The following RSPRY1 variants were observed in gnomAD, a reference collection of about 807,000 sequenced individuals.
The protein encoded by RSPRY1 is ring finger and SPRY domain containing 1, also known as RING finger and SPRY domain-containing protein 1.
Under a neutral mutation model 73.1 loss-of-function variants are expected in RSPRY1, and 23 were observed. The observed-to-expected ratio is 0.31, with a 90% CI of 0.23 to 0.45. The LOEUF is 0.45. RSPRY1 is among the 20% of genes least tolerant of loss of function. RSPRY1 has a pLI of 1.00. For missense variants in RSPRY1, 448 were observed against 698.7 expected, an observed-to-expected ratio of 0.64 and a Z score of 4.05; for synonymous variants, 226 against 251.4, an observed-to-expected ratio of 0.90 and a Z score of 0.95.
chr16:57,212,700 T>C (rs1179027829), intron 4 of RSPRY1, among the ~76,000 whole-genome samples: 1 of 152,048 alleles, frequency 6.6e-6, no homozygotes, highest in African/African-American at 2.4e-5. Context: ...CTGCAACCTC[T>C]ACCTCCCAGG....
At chr16:57,217,077 T>C (rs1318341091) in intron 8 of RSPRY1, 42 bp downstream of exon 8, 2 of 1,610,866 alleles carry the variant, frequency 1.2e-6, no homozygotes, top group Admixed American at 3.3e-5. Context: ...CGTTTCCATT[T>C]CCAGACTCAT....
chr16:57,226,350 G>A (rs1462242216), intron 10 of RSPRY1, among the ~76,000 whole-genome samples: 1 of 152,198 alleles, frequency 6.6e-6, no homozygotes, highest in African/African-American at 2.4e-5. Flanking sequence ...ATAGAATAAA[G>A]TGTTTTCACA....
At chr16:57,225,395 T>G (rs2075105282) in intron 10 of RSPRY1, among the ~76,000 whole-genome samples, 1 of 152,260 alleles carries the variant, frequency 6.6e-6, no homozygotes, top group African/African-American at 2.4e-5. Context: ...CAAGCTCATT[T>G]AACTCTTGAG....
chr16:57,212,531 C>A (rs2074862613), intron 4 of RSPRY1, among the ~76,000 whole-genome samples: 1 of 152,098 alleles, frequency 6.6e-6, no homozygotes, highest in South Asian at 2.1e-4. Flanking sequence ...TCAGGTTGAT[C>A]AGATATTTCC....
At position 57,191,994 on chromosome 16, in the gene RSPRY1, A is replaced by G. The variant is rs545366606; in HGVS notation, c.-156+5543A>G. On this transcript the variant is annotated intron_variant, in intron 1 of 14. Coordinates refer to ENST00000394420, the MANE Select transcript of RSPRY1 (RefSeq NM_133368.3). ...TCCGTCTTTCCTCACTGCCTGCCAT[A>G]TAAGCATTGGATATATAGTTATTGA... 2.0e-5 allele frequency among the ~76,000 whole-genome samples: 3 copies of G among 152,308 alleles called. No homozygotes were observed. In the South Asian group the frequency reaches 6.2e-4, roughly 32 times the overall value.
rs2075020900 is a variant in RSPRY1, at chr16:57,220,716, A to C, written c.902-16A>C. The C allele has an allele frequency of 6.5e-7, 1 of 1,536,478 alleles. No individual in the cohort carries two copies. The highest frequency in any genetic ancestry group is 1.4e-5 in the African/African-American group (1 of 73,424). The stretch of plus-strand genomic sequence containing the variant: ...AGCAGCCTGCCTTAGAAACATGAAC[A>C]CTCTTTCTTTTGCAGTTTTAAAAGA... On this transcript the variant is annotated splice_polypyrimidine_tract_variant and intron_variant, in intron 8 of 14. Transcript: ENST00000394420.
chr16:57,228,152 G>C (rs1433251020), intron 11 of RSPRY1, among the ~76,000 whole-genome samples: 1 of 151,664 alleles, frequency 6.6e-6, no homozygotes. Context: ...ACCCACCTGC[G>C]GTCCCGGCTA....
At position 57,204,895 on chromosome 16, in the gene RSPRY1, C is replaced by A. The variant is rs2074695709; in HGVS notation, c.237C>A (p.Asp79Glu). 1 of 1,614,056 alleles carries A rather than the reference C, an allele frequency of 6.2e-7. No homozygotes were observed. The highest frequency in any genetic ancestry group is 1.1e-5 in the South Asian group (1 of 91,084). Residue 79 changes from aspartate to glutamate, a missense_variant, in exon 2 of 15, where the codon GAC becomes GAA. Asp to Glu is a conservative substitution (Grantham distance 45, BLOSUM62 2). Coordinates refer to ENST00000394420, the MANE Select transcript of RSPRY1 (RefSeq NM_133368.3). The part of the protein sequence containing the change: ...PTADTRSQPR[D>E]PVRPPRRGRG... ...CTGACACAAGGAGCCAACCACGGGA[C>A]CCTGTTCGGCCACCAAGGAGGGGCC...
intron 14 of RSPRY1, among the ~76,000 whole-genome samples, chr16:57,237,798 G>T (rs995370153): frequency 6.6e-6 from 1 of 151,760 alleles, no homozygotes; most frequent in Non-Finnish European, 1.5e-5. Context: ...TGCAACCTCC[G>T]CCTCCCGAGC....
chr16:57,216,290 G>A lies in RSPRY1; in HGVS notation c.769+117G>A, dbSNP rs1314809087. The A allele has an allele frequency of 1.3e-5, 10 of 744,896 alleles. No homozygotes were observed. In the East Asian group the frequency reaches 2.5e-4, roughly 19 times the overall value. The allele number at this position is 744,896 out of a possible 1,614,324, so 46.1% of individuals were successfully genotyped here. On this transcript the variant is annotated intron_variant, in intron 7 of 14. Transcript: ENST00000394420. ...ACCCCATCAGATGGGCATACATTCT[G>A]TTTTCATCTGGATAGACACGTTAAA...
In RSPRY1 at chr16:57,238,893, A is replaced by AT. The variant is rs2075340255; in HGVS notation, c.1651dup (p.Cys551LeufsTer13). The AT allele has an allele frequency of 6.2e-7, 1 of 1,606,006 alleles. No individual in the cohort carries two copies. The highest frequency in any genetic ancestry group is 1.3e-5 in the African/African-American group (1 of 74,532). ...TTTCTCCCCAGTGACCTGTGCATGG[A>AT]TTGTGCCTTGCAGCTGGAGACCTGC... is the stretch of plus-strand genomic sequence containing the variant. On this transcript the variant is annotated frameshift_variant, in exon 15 of 15. Transcript: ENST00000394420. LOFTEE classifies it high-confidence loss of function.
intron 13 of RSPRY1, among the ~76,000 whole-genome samples, chr16:57,233,649 C>T (rs552902178): frequency 1.3e-5 from 2 of 152,302 alleles, no homozygotes; most frequent in South Asian, 2.1e-4. Flanking sequence ...GGATTACAGG[C>T]GTGAGCCACT....
chr16:57,188,990 CTTTTTTT>C (rs111782511), intron 1 of RSPRY1, among the ~76,000 whole-genome samples: 1 of 121,478 alleles, frequency 8.2e-6, no homozygotes, highest in Non-Finnish European at 1.7e-5. Flanking sequence ...TACTCAGTGA[CTTTTTTT>C]TTTTTTTTTT....
At chr16:57,229,448 C>T (rs1266484927) in intron 11 of RSPRY1, among the ~76,000 whole-genome samples, 2 of 151,916 alleles carry the variant, frequency 1.3e-5, no homozygotes, top group East Asian at 3.9e-4. Flanking sequence ...GACCCCCCAT[C>T]TCTATAAAAA....
intron 5 of RSPRY1, among the ~76,000 whole-genome samples, chr16:57,213,345 AAGG>A (rs1206258065): frequency 6.6e-6 from 1 of 152,266 alleles, no homozygotes; most frequent in Non-Finnish European, 1.5e-5. Flanking sequence ...CTTTAAGAAT[AAGG>A]AGCGAGGAAA....
intron 11 of RSPRY1, among the ~76,000 whole-genome samples, chr16:57,228,449 T>C (rs1378620922): frequency 6.6e-6 from 1 of 151,986 alleles, no homozygotes; most frequent in African/African-American, 2.4e-5. Flanking sequence ...ATGGAGCATA[T>C]GATAAAGGCC....
At chr16:57,191,083 T>TA (rs1328289982) in intron 1 of RSPRY1, among the ~76,000 whole-genome samples, 2 of 152,210 alleles carry the variant, frequency 1.3e-5, no homozygotes, top group Non-Finnish European at 2.9e-5. Context: ...AGGTCCTATG[T>TA]ACCTCAAATA....
Position 57,216,175 on chromosome 16 carries a change from TA to T in RSPRY1, c.769+3del. The T allele has an allele frequency of 6.2e-7, 1 of 1,603,408 alleles. No homozygotes were observed. The highest frequency in any genetic ancestry group is 1.7e-5 in the Admixed American group (1 of 59,904). On this transcript the variant is annotated splice_donor_region_variant and intron_variant, in intron 7 of 14. Transcript: ENST00000394420. ...CACTGGAAAAGTTTGCACAGACAAG[TA>T]GGTATAGTGACTTCTTGCACTAATG... is the stretch of plus-strand genomic sequence containing the variant.
intron 9 of RSPRY1, 25 bp from the exon 10 acceptor site, chr16:57,221,247 T>C: frequency 6.2e-7 from 1 of 1,612,582 alleles, no homozygotes; most frequent in East Asian, 2.2e-5. Flanking sequence ...TCATAGTTGA[T>C]TGACACATTT....
Sources: allele counts gnomAD v4.1 joint callset (sites outside exome capture counted in the v4.1 genomes callset), GRCh38; gene constraint gnomAD v4.1.1; transcripts MANE v1.5; gene names NCBI Gene and HGNC (gene_info 2026-07-23, HGNC 2026-07-21).